ADAMTS10: variants seen among roughly 807,000 people sequenced by gnomAD.
ADAMTS10 encodes the protein ADAM metallopeptidase with thrombospondin type 1 motif 10.
ADAMTS10 carries 48 observed loss-of-function variants against 135.9 expected under a neutral mutation model. The ratio of observed to expected loss-of-function variants is 0.35; its 90% CI spans 0.28 to 0.45. ADAMTS10 has a LOEUF of 0.45. Ranked by LOEUF, ADAMTS10 falls within the 20% of genes least tolerant of loss-of-function variation. The probability of loss-of-function intolerance (pLI) is 1.00; values close to 1 mark genes in which losing one functional copy is unlikely to be tolerated. For synonymous variants in ADAMTS10, 621 were observed against 647.5 expected (o/e 0.96, Z 0.62); for missense variants, 1,131 against 1,565.2 (o/e 0.72, Z 4.68).
At position 8,586,828 on chromosome 19, in the gene ADAMTS10, G is replaced by C. The variant is rs1555737384; in HGVS notation, c.2227C>G (p.Leu743Val). Residue 743 changes from leucine to valine, a missense_variant, in exon 19 of 26, where the codon CTC becomes GTC. Coordinates refer to ENST00000597188, the MANE Select transcript of ADAMTS10 (RefSeq NM_030957.4). ...HIFIQDLNLS[L>V]SHLALKGDQE... The stretch of plus-strand genomic sequence containing the variant: ...ACCATCTGCTCACCCAAGTGACTGA[G>C]AGAGAGGTTCAGATCCTGGATGAAG... 1 of 1,614,032 alleles carries C rather than the reference G, an allele frequency of 6.2e-7. No individual in the cohort carries two copies. The highest frequency in any genetic ancestry group is 8.5e-7 in the Non-Finnish European group (1 of 1,180,042).
At chr19:8,589,774 C>T (rs2146056453) in intron 16 of ADAMTS10, 115 bp downstream of exon 16, 1 of 1,412,348 alleles carries the variant, frequency 7.1e-7, no homozygotes, top group South Asian at 1.2e-5. Flanking sequence ...CTCTGTCTCC[C>T]CGGGTGGGGA....
intron 6 of ADAMTS10, among the ~76,000 whole-genome samples, chr19:8,599,397 C>A (rs569697203): frequency 6.6e-6 from 1 of 152,182 alleles, no homozygotes; most frequent in African/African-American, 2.4e-5. Flanking sequence ...ATGGTGCGAT[C>A]TTGGCTCACT....
chr19:8,580,351 G>C lies in ADAMTS10; in HGVS notation c.*542C>G, dbSNP rs1480904830. ...CCATGAGGGGGTGGCCTGGATGTCG[G>C]GGTGCCCCTGGGGCGGGCAGGGCAG... On this transcript the variant is annotated 3_prime_UTR_variant, in exon 26 of 26. Transcript: ENST00000597188. The C allele has an allele frequency of 3.8e-5, 6 of 159,056 alleles. No individual in the cohort carries two copies. Among genetic ancestry groups the C allele is most frequent in the African/African-American group, 1.4e-4 (6 of 41,456 alleles). 9.9% of individuals were successfully genotyped at this position (159,056 alleles called of 1,614,324 possible). A position where few individuals can be genotyped will look rare whatever the true frequency, so the allele number is the denominator to read the frequency against.
rs559435857 is a variant in ADAMTS10 at position 8,587,333 on chromosome 19, C to CTTTTTTTTTTTTTT, written c.2159-451_2159-438dup. On this transcript the variant is annotated intron_variant, in intron 18 of 25. Coordinates refer to ENST00000597188, the MANE Select transcript of ADAMTS10 (RefSeq NM_030957.4). The stretch of plus-strand genomic sequence containing the variant: ...CACCACACCTGGCTAACTAAAAAAC[C>CTTTTTTTTTTTTTT]TTTTTTTTTTTTTTTTTTTTTTTGT... Among the ~76,000 whole-genome samples, 7 of 77,452 alleles carry CTTTTTTTTTTTTTT rather than the reference C, an allele frequency of 9.0e-5. 1 individual carries two copies. Among genetic ancestry groups the CTTTTTTTTTTTTTT allele is most frequent in the East Asian group, 9.8e-4 (2 of 2,048 alleles). The allele number at this position is 77,452 out of a possible 152,430, so 50.8% of individuals were successfully genotyped here. A position where few individuals can be genotyped will look rare whatever the true frequency, so the allele number is the denominator to read the frequency against.
chr19:8,584,778 C>A, intron 25 of ADAMTS10, 117 bp downstream of exon 25: 2 of 1,394,984 alleles, frequency 1.4e-6, no homozygotes, highest in East Asian at 5.1e-5. Flanking sequence ...GGCAGAGACA[C>A]AGCAATGCAT....
At chr19:8,607,003 A>G (rs1044887323) in intron 2 of ADAMTS10, among the ~76,000 whole-genome samples, 5 of 152,194 alleles carry the variant, frequency 3.3e-5, no homozygotes, top group Non-Finnish European at 4.4e-5. Flanking sequence ...GAGGGGAAAC[A>G]GCAAGGTCAA....
chr19:8,609,154 G>T (rs2042753229), intron 1 of ADAMTS10, among the ~76,000 whole-genome samples: 1 of 145,748 alleles, frequency 6.9e-6, no homozygotes, highest in South Asian at 2.2e-4. Flanking sequence ...ATTACAGCAT[G>T]TATGTGAGTG....
intron 6 of ADAMTS10, among the ~76,000 whole-genome samples, chr19:8,600,475 T>TTCTG (rs148470942): frequency 0.27 from 40,495 of 148,760 alleles, 6,540 homozygotes; most frequent in East Asian, 0.79. Context: ...TTCTCTTTCT[T>TTCTG]TCTGTCTTTT....
rs1555739497 is a variant in ADAMTS10 at position 8,592,889 on chromosome 19, G to A, written c.1480-19C>T. 4.4e-6 allele frequency: 7 copies of A among 1,601,868 alleles called. No homozygotes were observed. The highest frequency in any genetic ancestry group is 1.7e-4 in the Middle Eastern group (1 of 6,054). Reference sequence around the variant, plus strand: ...AGACCTCCTGCGGGCCGAGGTGCCCGCTCAGGCTCGCCCCCCTCCCTTCCT... The same window carrying A: ...AGACCTCCTGCGGGCCGAGGTGCCCACTCAGGCTCGCCCCCCTCCCTTCCT... On this transcript the variant is annotated intron_variant, in intron 12 of 25. Transcript: ENST00000597188.
At position 8,605,822 on chromosome 19, in the gene ADAMTS10, A is replaced by G. The variant is rs2042716406; in HGVS notation, c.-99-13T>C. ...CATCACCGGGCTCCTGGGAGGGGGGAGCCAGGTAAGGGGGCGCCTGGTCCC... is the reference window on the plus strand; with the variant it reads ...CATCACCGGGCTCCTGGGAGGGGGGGGCCAGGTAAGGGGGCGCCTGGTCCC... On this transcript the variant is annotated splice_polypyrimidine_tract_variant and intron_variant, in intron 2 of 25. Transcript: ENST00000597188. This position sits in a 1 kb window ranked among gnomAD's most constrained non-coding sequence, Gnocchi z 7.7. 1 of 1,506,956 alleles carries G rather than the reference A, an allele frequency of 6.6e-7. No homozygotes were observed. The allele number at this position is 1,506,956 out of a possible 1,614,324, so 93.3% of individuals were successfully genotyped here. A position where few individuals can be genotyped will look rare whatever the true frequency, so the allele number is the denominator to read the frequency against.
chr19:8,585,694 A>AG (rs1175131264), intron 22 of ADAMTS10, 34 bp from the exon 23 acceptor site: 1 of 1,603,094 alleles, frequency 6.2e-7, no homozygotes, highest in Non-Finnish European at 8.5e-7. Context: ...GCAAGTAAGC[A>AG]GGGCAGGGGG....
Position 8,589,328 on chromosome 19 carries a change from C to G in ADAMTS10, c.2072G>C (p.Arg691Pro). The G allele has an allele frequency of 6.2e-7, 1 of 1,612,520 alleles. No individual in the cohort carries two copies. Among genetic ancestry groups the G allele is most frequent in the Non-Finnish European group, 8.5e-7 (1 of 1,179,954 alleles). The change falls in exon 18 of 26, where the codon CGG (arginine) becomes CCG (proline). Residue 691 changes from arginine (R) to proline (P), a missense_variant. By Grantham distance (103) the Arg-to-Pro change is moderately radical. This residue lies in a region of ADAMTS10 where 745 missense variants were observed against 1,056.3 expected (regional missense o/e 0.71). Coordinates refer to ENST00000597188, the MANE Select transcript of ADAMTS10 (RefSeq NM_030957.4). Reference sequence around the variant, plus strand: ...GCCACACACTCGGCACTTGTCCTCCCGCAGGTCGGAGCCCAGGACTCGGTC... The same window carrying G: ...GCCACACACTCGGCACTTGTCCTCCGGCAGGTCGGAGCCCAGGACTCGGTC... ...GCDRVLGSDL[R>P]EDKCRVCGGD...
intron 2 of ADAMTS10, among the ~76,000 whole-genome samples, chr19:8,606,408 G>A (rs1555742617): frequency 6.6e-6 from 1 of 152,020 alleles, no homozygotes; most frequent in African/African-American, 2.4e-5. Flanking sequence ...TGGTCATCAC[G>A]CTCTTTTTTT....
chr19:8,592,843 T>C lies in ADAMTS10; in HGVS notation c.1507A>G (p.Ser503Gly). 1 of 1,612,762 alleles carries C rather than the reference T, an allele frequency of 6.2e-7. No individual in the cohort carries two copies. Among genetic ancestry groups the C allele is most frequent in the Non-Finnish European group, 8.5e-7 (1 of 1,179,862 alleles). Reference protein sequence around the residue: ...GEVCSELWCLSKSNRCITNSI... With the variant: ...GEVCSELWCLGKSNRCITNSI... ...TTGGTGATGCACCGGTTGCTCTTGCTCAGACACCACAGCTCGCTGCAGACC... is the reference window on the plus strand; with the variant it reads ...TTGGTGATGCACCGGTTGCTCTTGCCCAGACACCACAGCTCGCTGCAGACC... Residue 503 changes from serine (S) to glycine (G), a missense_variant, in exon 13 of 26, where the codon AGC (serine) becomes GGC (glycine). Physicochemically the swap from Ser to Gly is moderately conservative, Grantham distance 56 (BLOSUM62 0). Transcript: ENST00000597188.
intron 12 of ADAMTS10, 59 bp from the exon 13 acceptor site, chr19:8,592,929 G>C (rs1465552614): frequency 6.6e-7 from 1 of 1,509,494 alleles, no homozygotes; most frequent in African/African-American, 1.4e-5. Context: ...GGGGCAGCCC[G>C]CCCGGCTTGG....
At chr19:8,590,897 C>G (rs1382279533) in intron 15 of ADAMTS10, among the ~76,000 whole-genome samples, 3 of 152,178 alleles carry the variant, frequency 2.0e-5, no homozygotes, top group African/African-American at 7.2e-5. Flanking sequence ...CACCTGGCCA[C>G]ATGGAGTCTT....
Position 8,600,910 on chromosome 19 carries a change from G to T in ADAMTS10, c.810+18C>A, listed in dbSNP as rs1555741429. ...CAAGTCCTCAGGGCTGCGTGCCCAGGGAGGGGAAGGCACTTACAATGTTCA... is the reference window on the plus strand; with the variant it reads ...CAAGTCCTCAGGGCTGCGTGCCCAGTGAGGGGAAGGCACTTACAATGTTCA... On this transcript the variant is annotated intron_variant, in intron 6 of 25. Coordinates refer to ENST00000597188, the MANE Select transcript of ADAMTS10 (RefSeq NM_030957.4). 1.2e-6 allele frequency: 2 copies of T among 1,613,894 alleles called. No homozygotes were observed. The highest frequency in any genetic ancestry group is 1.7e-6 in the Non-Finnish European group (2 of 1,179,974).
At chr19:8,600,852 G>C in intron 6 of ADAMTS10, 76 bp downstream of exon 6, 1 of 1,555,682 alleles carries the variant, frequency 6.4e-7, no homozygotes, top group Non-Finnish European at 8.8e-7. Context: ...TGGGATGGTA[G>C]CCACCCCCTT....
rs373213602 is a variant in ADAMTS10 at position 8,601,362 on chromosome 19, C to CT, written c.593-218dup. The stretch of plus-strand genomic sequence containing the variant: ...CAAACACCTCATCGTTTTTCTTATT[C>CT]TTTTTTTTTTTTTTTTTGAGACGGA... On this transcript the variant is annotated intron_variant, in intron 5 of 25. Transcript: ENST00000597188. The surrounding 1 kb of genome is among the most constrained non-coding windows in gnomAD (Gnocchi z 4.6). Among the ~76,000 whole-genome samples, 4,343 of 136,852 alleles carry CT rather than the reference C, an allele frequency of 0.032. 96 individuals are homozygous for CT. Among genetic ancestry groups the CT allele is most frequent in the Non-Finnish European group, 0.045 (2,878 of 63,752 alleles). 89.8% of individuals were successfully genotyped at this position (136,852 alleles called of 152,430 possible).
Sources: gnomAD v4.1 joint callset for allele counts (sites outside exome capture counted in the v4.1 genomes callset) on GRCh38, gnomAD v4.1.1 for gene constraint, gnomAD v4.1.1 regional missense constraint, Gnocchi (gnomAD v3.1) non-coding constraint, MANE v1.5 for transcripts, NCBI Gene and HGNC (gene_info 2026-07-23, HGNC 2026-07-21) for gene names.